The following TMEM132D variants were observed in gnomAD, a reference collection of about 807,000 sequenced individuals.
TMEM132D encodes the protein transmembrane protein 132D.
Under a neutral mutation model 62.3 loss-of-function variants are expected in TMEM132D, and 21 were observed. The observed-to-expected ratio is 0.34, with a 90% CI of 0.24 to 0.49. The LOEUF (loss-of-function observed/expected upper bound fraction) is 0.49. Among genes scored for constraint, TMEM132D ranks in the 20% least tolerant of loss-of-function variants. The pLI, the probability that TMEM132D is intolerant of heterozygous loss-of-function variation, is 0.99. For synonymous variants in TMEM132D, 621 were observed against 575.6 expected (o/e 1.08, Z -1.13); for missense variants, 1,346 against 1,402.8 (o/e 0.96, Z 0.65).
chr12:129,619,800 A>G (rs1879015354), intron 2 of TMEM132D, among the ~76,000 whole-genome samples: 1 of 152,214 alleles, frequency 6.6e-6, no homozygotes, highest in Non-Finnish European at 1.5e-5. Flanking sequence ...CTCACACCGA[A>G]TTTCAGTAAT....
At chr12:129,483,724 G>A (rs1424305523) in intron 3 of TMEM132D, among the ~76,000 whole-genome samples, 2 of 152,114 alleles carry the variant, frequency 1.3e-5, no homozygotes, top group Non-Finnish European at 2.9e-5. Context: ...GCTCCCCTTC[G>A]TGGTGACGCA....
chr12:129,211,551 A>T (rs1333363045), intron 4 of TMEM132D, among the ~76,000 whole-genome samples: 1 of 152,186 alleles, frequency 6.6e-6, no homozygotes, highest in Non-Finnish European at 1.5e-5. Context: ...AACTATTTTC[A>T]TTATGTTAAC....
At chr12:129,835,473 T>C (rs1249105194) in intron 1 of TMEM132D, among the ~76,000 whole-genome samples, 1 of 152,010 alleles carries the variant, frequency 6.6e-6, no homozygotes, top group Non-Finnish European at 1.5e-5. Flanking sequence ...TTATTTTTAG[T>C]AGAGACAAGG....
chr12:129,524,927 CT>C (rs372985812), intron 3 of TMEM132D, among the ~76,000 whole-genome samples: 32,075 of 84,194 alleles, frequency 0.38, 4,461 homozygotes, highest in East Asian at 0.57. Flanking sequence ...TTTCTTTTTT[CT>C]TTTTTTTTTT....
intron 1 of TMEM132D, among the ~76,000 whole-genome samples, chr12:129,775,774 T>C (rs972045141): frequency 3.9e-5 from 6 of 152,150 alleles, no homozygotes; most frequent in African/African-American, 1.4e-4. Context: ...GATCAGCACC[T>C]ACAGGCATTA....
At chr12:129,636,742 G>A (rs1259741848) in intron 2 of TMEM132D, among the ~76,000 whole-genome samples, 1 of 150,774 alleles carries the variant, frequency 6.6e-6, no homozygotes, top group Non-Finnish European at 1.5e-5. Flanking sequence ...GTGTGTGAGA[G>A]AGAGAGAGAG....
chr12:129,498,254 ATTTG>A (rs973339176), intron 3 of TMEM132D, among the ~76,000 whole-genome samples: 2 of 47,484 alleles, frequency 4.2e-5, no homozygotes, highest in Non-Finnish European at 1.3e-4. Flanking sequence ...AAAATCTTTT[ATTTG>A]TTTGTTTGTT....
intron 3 of TMEM132D, among the ~76,000 whole-genome samples, chr12:129,490,284 A>G (rs1874727584): frequency 6.6e-6 from 1 of 152,194 alleles, no homozygotes; most frequent in African/African-American, 2.4e-5. Context: ...AATATTTGCC[A>G]AACTATTCAG....
At chr12:129,443,860 G>A (rs11060349) in intron 3 of TMEM132D, among the ~76,000 whole-genome samples, 15,530 of 152,122 alleles carry the variant, frequency 0.1, 1,290 homozygotes, top group East Asian at 0.41. Context: ...GTATGGCCAC[G>A]TGGCCCAAAT....
intron 1 of TMEM132D, among the ~76,000 whole-genome samples, chr12:129,745,834 G>A (rs1471496884): frequency 6.6e-6 from 1 of 152,196 alleles, no homozygotes; most frequent in Non-Finnish European, 1.5e-5. Flanking sequence ...TAAAAATGAT[G>A]TAAACTATTC....
chr12:129,226,699 C>T (rs1879488526), intron 4 of TMEM132D, among the ~76,000 whole-genome samples: 1 of 152,218 alleles, frequency 6.6e-6, no homozygotes, highest in Non-Finnish European at 1.5e-5. Context: ...CTAACTTTTA[C>T]ATTTGGCTCA....
intron 1 of TMEM132D, among the ~76,000 whole-genome samples, chr12:129,716,459 G>A (rs1868577422): frequency 6.6e-6 from 1 of 152,188 alleles, no homozygotes; most frequent in Non-Finnish European, 1.5e-5. Flanking sequence ...TAGAACATGC[G>A]TCTCTTTGGA....
At chr12:129,896,771 C>T (rs1875152147) in intron 1 of TMEM132D, among the ~76,000 whole-genome samples, 1 of 152,066 alleles carries the variant, frequency 6.6e-6, no homozygotes, top group South Asian at 2.1e-4. Context: ...TCCAAATGTA[C>T]ATCTGAATTT....
intron 1 of TMEM132D, among the ~76,000 whole-genome samples, chr12:129,898,732 C>T (rs890792205): frequency 6.6e-5 from 10 of 152,244 alleles, no homozygotes; most frequent in Admixed American, 5.2e-4. Context: ...CCCTATCTCT[C>T]CTACAAATGG....
chr12:129,663,093 A>C (rs1880283457), intron 2 of TMEM132D, among the ~76,000 whole-genome samples: 1 of 152,020 alleles, frequency 6.6e-6, no homozygotes, highest in Admixed American at 6.5e-5. Flanking sequence ...CGTTCCAGGC[A>C]GAAGAAAGGT....
At chr12:129,424,070 A>G (rs1435060143) in intron 3 of TMEM132D, among the ~76,000 whole-genome samples, 1 of 152,158 alleles carries the variant, frequency 6.6e-6, no homozygotes, top group Non-Finnish European at 1.5e-5. Context: ...ATTTTTTGAT[A>G]CTAACGACAG....
chr12:129,442,864 G>A (rs1277735904), intron 3 of TMEM132D, among the ~76,000 whole-genome samples: 1 of 152,094 alleles, frequency 6.6e-6, no homozygotes, highest in Admixed American at 6.5e-5. Flanking sequence ...TACTGTTTTG[G>A]ACGCCATGGT....
At chr12:129,275,473 T>C (rs960245906) in intron 4 of TMEM132D, among the ~76,000 whole-genome samples, 4 of 152,178 alleles carry the variant, frequency 2.6e-5, no homozygotes, top group Admixed American at 1.3e-4. Flanking sequence ...AGTAGAGACA[T>C]ATTTCTGTGC....
chr12:129,815,864 C>T (rs1409185970), intron 1 of TMEM132D, among the ~76,000 whole-genome samples: 2 of 152,266 alleles, frequency 1.3e-5, no homozygotes, highest in African/African-American at 2.4e-5. Flanking sequence ...ACAAATGTCA[C>T]GACTGAATAC....
Sources: allele counts gnomAD v4.1 joint callset (sites outside exome capture counted in the v4.1 genomes callset), GRCh38; gene constraint gnomAD v4.1.1; transcripts MANE v1.5; gene names NCBI Gene and HGNC (gene_info 2026-07-23, HGNC 2026-07-21).